Variants in HEATR4 observed in about 807,000 individuals in gnomAD.
The protein encoded by HEATR4 is HEAT repeat-containing protein 4.
In HEATR4, 95 loss-of-function variants were observed where a neutral mutation model predicts 108.8. The ratio of observed to expected loss-of-function variants is 0.87; its 90% CI spans 0.74 to 1.04. The LOEUF (loss-of-function observed/expected upper bound fraction) is 1.04, where lower values mean the gene tolerates loss of function less well. HEATR4 is among the 50% of genes least tolerant of loss of function. The pLI, the probability that HEATR4 is intolerant of heterozygous loss-of-function variation, is 0.00. For synonymous variants in HEATR4, 443 were observed against 459.4 expected, an observed-to-expected ratio of 0.96 and a Z score of 0.46; for missense variants, 1,152 against 1,253.8, an observed-to-expected ratio of 0.92 and a Z score of 1.23.
At chr14:73,486,998 T>C (rs1282207963) in intron 17 of HEATR4, among the ~76,000 whole-genome samples, 1 of 152,074 alleles carries the variant, frequency 6.6e-6, no homozygotes. Flanking sequence ...CCCAGCGCGA[T>C]GGCTCACGCC....
chr14:73,572,443 A>G, the HEATR4 span, among the ~76,000 whole-genome samples: 37,804 of 150,598 alleles, frequency 0.25, 4,510 homozygotes, highest in East Asian at 0.58. Flanking sequence ...TTTAGATACA[A>G]TTCAAAAACT....
chr14:73,510,685 C>T (rs978896595), intron 7 of HEATR4, among the ~76,000 whole-genome samples: 1 of 152,192 alleles, frequency 6.6e-6, no homozygotes. Context: ...ATCCACCTGC[C>T]TTGGCCTTCC....
upstream of HEATR4, among the ~76,000 whole-genome samples, chr14:73,562,389 ATTGTG>A (rs1010924975): frequency 6.6e-6 from 1 of 152,084 alleles, no homozygotes; most frequent in Non-Finnish European, 1.5e-5. Context: ...CACTGTGATA[ATTGTG>A]TTAACTGTAC....
chr14:73,492,585 T>A lies in HEATR4; in HGVS notation c.2844+481A>T. 1 of 1,613,856 alleles carries A rather than the reference T, an allele frequency of 6.2e-7. No homozygotes were observed. Among genetic ancestry groups the A allele is most frequent in the Non-Finnish European group, 8.5e-7 (1 of 1,179,860 alleles). ...ACTGATAGGGAGAGGGCACTAAGTG[T>A]TTACGGGCTTCCAATTCGCTGGGAG... On this transcript the variant is annotated intron_variant, in intron 17 of 17. Coordinates refer to ENST00000553558, the MANE Select transcript of HEATR4 (RefSeq NM_001220484.1). The surrounding 1 kb of genome is among the most constrained non-coding windows in gnomAD (Gnocchi z 4.9).
chr14:73,552,883 T>G (rs1889344157), intron 1 of HEATR4, among the ~76,000 whole-genome samples: 1 of 109,252 alleles, frequency 9.2e-6, no homozygotes, highest in South Asian at 2.9e-4. Context: ...ACCTCTTGGG[T>G]GCCACCCAGG....
At chr14:73,500,884 G>C (rs957534646) in intron 11 of HEATR4, among the ~76,000 whole-genome samples, 154 bp from the exon 12 acceptor site, 16 of 152,194 alleles carry the variant, frequency 1.1e-4, no homozygotes, top group African/African-American at 3.6e-4. Flanking sequence ...TGGGTACAGA[G>C]CTCGATTGTC....
chr14:73,627,043 C>T, the HEATR4 span, among the ~76,000 whole-genome samples: 2 of 151,582 alleles, frequency 1.3e-5, no homozygotes, highest in East Asian at 2.0e-4. Flanking sequence ...CCACCCGCCT[C>T]GGCCTCCTGA....
intron 2 of HEATR4, among the ~76,000 whole-genome samples, chr14:73,525,017 T>C (rs1246024545): frequency 6.6e-6 from 1 of 152,062 alleles, no homozygotes; most frequent in Non-Finnish European, 1.5e-5. Context: ...CTTTTTTGTG[T>C]GTTTTTTTTC....
rs557526730 is a variant in HEATR4, at chr14:73,539,930, C to G, written c.-151-9686G>C. 4.3e-5 allele frequency: 5 copies of G among 116,292 alleles called. 2 individuals are homozygous for G. Among genetic ancestry groups the G allele is most frequent in the Non-Finnish European group, 9.4e-5 (5 of 53,154 alleles). 7.2% of individuals were successfully genotyped at this position (116,292 alleles called of 1,614,324 possible). On this transcript the variant is annotated intron_variant, in intron 1 of 17. Transcript: ENST00000553558. ...ATTAGCATTTACAATAGGAAAGCCTCTTCCTGTCAAATGGAAATTTGAGGT... is the reference window on the plus strand; with the variant it reads ...ATTAGCATTTACAATAGGAAAGCCTGTTCCTGTCAAATGGAAATTTGAGGT...
chr14:73,570,878 C>T, the HEATR4 span, among the ~76,000 whole-genome samples: 1 of 146,978 alleles, frequency 6.8e-6, no homozygotes, highest in African/African-American at 2.5e-5. Context: ...GCACTCCAGC[C>T]TGGGGGACAA....
chr14:73,564,610 AAAAC>A, the HEATR4 span, among the ~76,000 whole-genome samples: 7 of 151,976 alleles, frequency 4.6e-5, no homozygotes, highest in South Asian at 2.1e-4. Context: ...CCCGTCTTAA[AAAAC>A]AAACAAACAA....
rs757644921 is a variant in HEATR4, at chr14:73,491,792, G to C, written c.2844+1274C>G. On this transcript the variant is annotated intron_variant, in intron 17 of 17. Coordinates refer to ENST00000553558, the MANE Select transcript of HEATR4 (RefSeq NM_001220484.1). ...GCTGCGCAACGAGGAGGTGCAGTTC[G>C]GCCAGCATTTGGACGCCGCTCGCTA... 2.5e-6 allele frequency: 4 copies of C among 1,588,596 alleles called. No homozygotes were observed. In the South Asian group the frequency reaches 4.5e-5, roughly 18 times the overall value.
Position 73,532,109 on chromosome 14 carries a change from G to A in HEATR4, c.-151-1865C>T, listed in dbSNP as rs1414153734. On this transcript the variant is annotated intron_variant, in intron 1 of 17. Transcript: ENST00000553558. The stretch of plus-strand genomic sequence containing the variant: ...CACCACAAGGGTTTATAAATCCTGA[G>A]AAAGAGGCAAAGCAGGGAACACATG... 1.4e-4 allele frequency among the ~76,000 whole-genome samples: 16 copies of A among 115,930 alleles called. 6 individuals carry two copies. The highest frequency in any genetic ancestry group is 1.4e-3 in the South Asian group (5 of 3,656). The allele number at this position is 115,930 out of a possible 152,430, so 76.1% of individuals were successfully genotyped here. A position where few individuals can be genotyped will look rare whatever the true frequency, so the allele number is the denominator to read the frequency against.
chr14:73,496,486 A>G lies in HEATR4; in HGVS notation c.2625+115T>C, dbSNP rs532722100. The G allele has an allele frequency of 7.6e-6, 5 of 661,402 alleles. No homozygotes were observed. The East Asian group carries it at 1.3e-4, about 17-fold the overall frequency. 41.0% of individuals were successfully genotyped at this position (661,402 alleles called of 1,614,324 possible). A position where few individuals can be genotyped will look rare whatever the true frequency, so the allele number is the denominator to read the frequency against. On this transcript the variant is annotated intron_variant, in intron 15 of 17. Transcript: ENST00000553558. ...ATGTGGCATCTGTGTCTGGGGTTTT[A>G]GAAAGTACTTCTATGGTGGGAAAAA...
the HEATR4 span, among the ~76,000 whole-genome samples, chr14:73,597,692 C>T: frequency 7.1e-6 from 1 of 141,654 alleles, no homozygotes; most frequent in Non-Finnish European, 1.5e-5. Context: ...CTCCCAGGTT[C>T]AAGCAATTCT....
chr14:73,544,859 C>T (rs1346409205), intron 1 of HEATR4, among the ~76,000 whole-genome samples: 3 of 111,074 alleles, frequency 2.7e-5, no homozygotes, highest in African/African-American at 8.8e-5. Flanking sequence ...GCCCTGGAGG[C>T]AGAGGTTGCA....
intron 2 of HEATR4, among the ~76,000 whole-genome samples, chr14:73,524,306 AAAAAAT>A (rs1326523449): frequency 8.0e-4 from 73 of 90,994 alleles, no homozygotes; most frequent in Non-Finnish European, 1.3e-3. Flanking sequence ...AAAAAAAAAA[AAAAAAT>A]ATATATATAT....
the HEATR4 span, chr14:73,573,499 A>G: frequency 3.1e-6 from 5 of 1,613,656 alleles, no homozygotes; most frequent in Non-Finnish European, 4.2e-6. Context: ...GCTCTGGCTT[A>G]TTATAACTAT....
chr14:73,523,591 G>A (rs115136499), intron 2 of HEATR4, among the ~76,000 whole-genome samples: 55 of 152,246 alleles, frequency 3.6e-4, no homozygotes, highest in African/African-American at 1.3e-3. Context: ...CATGAGTTTG[G>A]CCTCAGTTTA....
Sources: gnomAD v4.1 joint callset for allele counts (sites outside exome capture counted in the v4.1 genomes callset) on GRCh38, gnomAD v4.1.1 for gene constraint, Gnocchi (gnomAD v3.1) non-coding constraint, MANE v1.5 for transcripts, NCBI Gene and HGNC (gene_info 2026-07-23, HGNC 2026-07-21) for gene names.